The following LOC400499 variants were observed in gnomAD, a reference collection of about 807,000 sequenced individuals.
At chr16:11,523,285 C>A in the LOC400499 span, 1 of 397,418 alleles carries the variant, frequency 2.5e-6, no homozygotes, top group Non-Finnish European at 4.4e-6. Flanking sequence ...CAACTGGTAT[C>A]TTTGGGAGCA....
the LOC400499 span, among the ~76,000 whole-genome samples, chr16:11,393,163 C>CT: frequency 4.3e-3 from 549 of 127,964 alleles, 10 homozygotes; most frequent in African/African-American, 4.7e-3. Flanking sequence ...CACCCCCCCC[C>CT]CTTTTTTTTA....
chr16:11,386,513 T>C, the LOC400499 span, among the ~76,000 whole-genome samples: 9 of 152,202 alleles, frequency 5.9e-5, no homozygotes, highest in Non-Finnish European at 1.0e-4. Context: ...CCCACACACA[T>C]AAAGCACTCC....
the LOC400499 span, among the ~76,000 whole-genome samples, chr16:11,427,010 A>AG: frequency 6.6e-6 from 1 of 151,638 alleles, no homozygotes; most frequent in African/African-American, 2.4e-5. Flanking sequence ...AATGGGCAAA[A>AG]AAAAATTCAT....
At chr16:11,497,767 C>T in the LOC400499 span, among the ~76,000 whole-genome samples, 1 of 152,154 alleles carries the variant, frequency 6.6e-6, no homozygotes, top group East Asian at 1.9e-4. Flanking sequence ...CCAGCCTTCC[C>T]TGTTTTCACA....
At chr16:11,384,891 G>C in the LOC400499 span, 1 of 1,232,152 alleles carries the variant, frequency 8.1e-7, no homozygotes, top group African/African-American at 1.6e-5. Context: ...GACCCACCGT[G>C]CTGCCAGAGG....
At chr16:11,385,266 G>A in the LOC400499 span, 343 of 1,232,344 alleles carry the variant, frequency 2.8e-4, no homozygotes, top group Non-Finnish European at 3.3e-4. Flanking sequence ...GAACAGGGCT[G>A]TGAGCCCCGA....
the LOC400499 span, among the ~76,000 whole-genome samples, chr16:11,477,113 C>G: frequency 6.6e-6 from 1 of 152,254 alleles, no homozygotes; most frequent in African/African-American, 2.4e-5. Flanking sequence ...CAGTCCTCAC[C>G]TGCACTAATC....
At chr16:11,456,413 G>A in the LOC400499 span, among the ~76,000 whole-genome samples, 1 of 152,118 alleles carries the variant, frequency 6.6e-6, no homozygotes, top group East Asian at 1.9e-4. Flanking sequence ...AAATGCAAAG[G>A]CCCTGGAGTG....
the LOC400499 span, among the ~76,000 whole-genome samples, chr16:11,492,777 T>G: frequency 1.8e-5 from 2 of 113,330 alleles, no homozygotes; most frequent in Non-Finnish European, 3.4e-5. Context: ...AGAGTGAGAC[T>G]CCGTCTCAAA....
chr16:11,382,220 A>G, the LOC400499 span, among the ~76,000 whole-genome samples: 3 of 151,810 alleles, frequency 2.0e-5, 1 homozygote, highest in Non-Finnish European at 2.9e-5. Context: ...TTACAGGCAT[A>G]AGCCACCACA....
At chr16:11,464,644 T>A in the LOC400499 span, among the ~76,000 whole-genome samples, 10 of 152,046 alleles carry the variant, frequency 6.6e-5, no homozygotes, top group Non-Finnish European at 1.5e-4. Flanking sequence ...CATCTTGTAT[T>A]GGGTTACAGA....
the LOC400499 span, among the ~76,000 whole-genome samples, chr16:11,383,203 C>G: frequency 3.9e-5 from 6 of 152,020 alleles, no homozygotes; most frequent in Admixed American, 3.9e-4. Context: ...GTAGCTGGGA[C>G]TACAGGCGCC....
At chr16:11,381,769 G>C in the LOC400499 span, among the ~76,000 whole-genome samples, 1 of 152,056 alleles carries the variant, frequency 6.6e-6, no homozygotes, top group East Asian at 1.9e-4. Context: ...GCTGTTGCTG[G>C]TGGGAGATCA....
the LOC400499 span, among the ~76,000 whole-genome samples, chr16:11,513,070 T>C: frequency 1.3e-5 from 2 of 152,184 alleles, no homozygotes; most frequent in African/African-American, 4.8e-5. Flanking sequence ...GACAAGTCAT[T>C]TGACCTCTTT....
At chr16:11,488,616 G>C in the LOC400499 span, 35 of 395,318 alleles carry the variant, frequency 8.9e-5, no homozygotes, top group Admixed American at 5.7e-4. Flanking sequence ...TTGACACAAC[G>C]TCTGATCCAC....
the LOC400499 span, chr16:11,384,422 T>G: frequency 2.1e-5 from 12 of 584,448 alleles, no homozygotes; most frequent in Admixed American, 1.7e-4. Flanking sequence ...GAGATGAGCC[T>G]GAAGCACACA....
At chr16:11,392,186 C>T in the LOC400499 span, 2 of 399,132 alleles carry the variant, frequency 5.0e-6, no homozygotes. Flanking sequence ...GTGTGGGCCT[C>T]ACAATGGGGT....
At chr16:11,434,745 C>A in the LOC400499 span, among the ~76,000 whole-genome samples, 1 of 152,134 alleles carries the variant, frequency 6.6e-6, no homozygotes, top group African/African-American at 2.4e-5. Context: ...ATTAGGACAA[C>A]CCTAAGAAGC....
the LOC400499 span, among the ~76,000 whole-genome samples, chr16:11,409,290 AAAAAT>A: frequency 6.6e-6 from 1 of 152,076 alleles, no homozygotes; most frequent in African/African-American, 2.4e-5. Flanking sequence ...AAAAAAATAA[AAAAAT>A]AAAACATTGG....
Sources: gnomAD v4.1 joint callset for allele counts (sites outside exome capture counted in the v4.1 genomes callset) on GRCh38, gnomAD v4.1.1 for gene constraint, MANE v1.5 for transcripts.